COL27A1: variants seen among roughly 807,000 people sequenced by gnomAD.
COL27A1 encodes collagen alpha-1(XXVII) chain.
A neutral mutation model predicts 251.3 loss-of-function variants in COL27A1; 106 were observed. The ratio of observed to expected loss-of-function variants is 0.42; its 90% CI spans 0.36 to 0.50. COL27A1 has a LOEUF of 0.50. Among genes scored for constraint, COL27A1 ranks in the 20% least tolerant of loss-of-function variants. The pLI, the probability that COL27A1 is intolerant of heterozygous loss-of-function variation, is 0.00. For missense variants in COL27A1, 2,325 were observed against 2,522.8 expected (o/e 0.92, Z 1.68); for synonymous variants, 1,000 against 986.3 (o/e 1.01, Z -0.26).
rs745776277 is a variant in COL27A1 at position 114,290,121 on chromosome 9, T to C, written c.4260+10T>C. 2.5e-6 allele frequency: 4 copies of C among 1,611,460 alleles called. No homozygotes were observed. The South Asian group carries it at 3.3e-5, about 13-fold the overall frequency. On this transcript the variant is annotated intron_variant, in intron 46 of 60. Coordinates refer to ENST00000356083, the MANE Select transcript of COL27A1 (RefSeq NM_032888.4). This position sits in a 1 kb window ranked among gnomAD's most constrained non-coding sequence, Gnocchi z 4.6. ...CCGGAGGGGGGTCCAGGTGAGTGAC[T>C]ACAGCTGCTGTTTCCAGCCAACCTC...
In COL27A1 at chr9:114,284,761, G is replaced by A; in HGVS notation, c.3971G>A (p.Gly1324Glu). The A allele has an allele frequency of 6.2e-7, 1 of 1,614,224 alleles. No individual in the cohort carries two copies. Among genetic ancestry groups the A allele is most frequent in the Non-Finnish European group, 8.5e-7 (1 of 1,180,034 alleles). Residue 1324 changes from glycine to glutamate, a missense_variant, in exon 41 of 61, where the codon GGA becomes GAA. Physicochemically the swap from Gly to Glu is moderately conservative, Grantham distance 98 (BLOSUM62 -2). This residue lies in a region of COL27A1 where 662 missense variants were observed against 795.3 expected (regional missense o/e 0.83). Transcript: ENST00000356083. ...KGIVGPLGPP[G>E]PKGEKGEQGE... is the part of the protein sequence containing the mutation. ...ATTGTGGGACCCCTTGGACCTCCTG[G>A]ACCAAAAGGCGAAAAGGTGGGTGTT...
intron 14 of COL27A1, among the ~76,000 whole-genome samples, chr9:114,229,134 G>C (rs1211727066): frequency 6.6e-6 from 1 of 152,262 alleles, no homozygotes; most frequent in African/African-American, 2.4e-5. Context: ...GGGCCTGAAA[G>C]CAGAATTTCT....
chr9:114,204,642 A>C lies in COL27A1; in HGVS notation c.2125-460A>C, dbSNP rs529083312. Among the ~76,000 whole-genome samples the C allele has an allele frequency of 8.5e-5, 13 of 152,256 alleles. 1 individual carries two copies. Among genetic ancestry groups the C allele is most frequent in the African/African-American group, 3.1e-4 (13 of 41,540 alleles). Reference sequence around the variant, plus strand: ...TGATGGGGGCTTTATGAGAAGGGGCAGGTCTTGAAAGGGGAGGGAATCCCA... The same window carrying C: ...TGATGGGGGCTTTATGAGAAGGGGCCGGTCTTGAAAGGGGAGGGAATCCCA... On this transcript the variant is annotated intron_variant, in intron 7 of 60. Transcript: ENST00000356083.
chr9:114,264,788 C>T lies in COL27A1; in HGVS notation c.3250-136C>T, dbSNP rs1623718. ...TCCCCTTGTCAGGCCTTAGTTTTCCCATCTGCACCATGGAAAGGGGGCAGA... is the reference window on the plus strand; with the variant it reads ...TCCCCTTGTCAGGCCTTAGTTTTCCTATCTGCACCATGGAAAGGGGGCAGA... On this transcript the variant is annotated intron_variant, in intron 29 of 60. Transcript: ENST00000356083. 432,069 of 911,626 alleles carry T rather than the reference C, an allele frequency of 0.47. 104,932 individuals are homozygous for T. The highest frequency in any genetic ancestry group is 0.64 in the East Asian group (24,490 of 38,456). 56.5% of individuals were successfully genotyped at this position (911,626 alleles called of 1,614,324 possible).
chr9:114,216,691 C>CT (rs957119658), intron 12 of COL27A1, among the ~76,000 whole-genome samples: 5 of 152,122 alleles, frequency 3.3e-5, no homozygotes, highest in African/African-American at 7.2e-5. Flanking sequence ...CTTTAAAGCT[C>CT]TTTTTTCCAA....
rs201592080 is a variant in COL27A1 at position 114,252,561 on chromosome 9, G to A, written c.3034-32G>A. On this transcript the variant is annotated intron_variant, in intron 25 of 60. Transcript: ENST00000356083. ...ACAGAGCCACCCCACAGCCATAGCC[G>A]TGACCTGCCTGCATTGCTGTCTCCA... 3.7e-5 allele frequency: 60 copies of A among 1,609,736 alleles called. No individual in the cohort carries two copies. The East Asian group carries it at 8.7e-4, about 23-fold the overall frequency.
At chr9:114,302,758 A>T (rs1038200391) in intron 56 of COL27A1, among the ~76,000 whole-genome samples, 10 of 148,640 alleles carry the variant, frequency 6.7e-5, no homozygotes, top group African/African-American at 2.5e-4. Flanking sequence ...GAGTCGGGCC[A>T]GGGGGGCAGA....
rs572361398 is a variant in COL27A1 at position 114,237,123 on chromosome 9, T to C, written c.2673+89T>C. ...TGGGGACACCTTCACCTCCAAGACT[T>C]CATTTCCTCCTGCAGCAGAGCTCCT... On this transcript the variant is annotated intron_variant, in intron 18 of 60. Transcript: ENST00000356083. The C allele has an allele frequency of 1.3e-5, 17 of 1,291,434 alleles. No individual in the cohort carries two copies. In the African/African-American group the frequency reaches 2.2e-4, roughly 17 times the overall value. 80.0% of individuals were successfully genotyped at this position (1,291,434 alleles called of 1,614,324 possible).
chr9:114,275,760 GGT>G lies in COL27A1; in HGVS notation c.3712_3713del (p.Val1238ProfsTer4). The G allele has an allele frequency of 6.5e-7, 1 of 1,545,456 alleles. No individual in the cohort carries two copies. Among genetic ancestry groups the G allele is most frequent in the Non-Finnish European group, 8.7e-7 (1 of 1,144,666 alleles). ...GCCCCCCGGCCCCCCTGGCGTCACT[GGT>G]GTCCGGGTGAGTGTGCAGGCCCCTT... ...DGPPGPPGVT[G>X]VRGPEGKSGK... is the part of the protein sequence containing the mutation. On this transcript the variant is annotated frameshift_variant, in exon 37 of 61. Transcript: ENST00000356083. LOFTEE classifies it high-confidence loss of function.
At chr9:114,186,082 T>G (rs1828317964) in intron 5 of COL27A1, among the ~76,000 whole-genome samples, 1 of 152,232 alleles carries the variant, frequency 6.6e-6, no homozygotes. Flanking sequence ...TGGGTTTGCC[T>G]GCCAGAAGGA....
intron 28 of COL27A1, among the ~76,000 whole-genome samples, chr9:114,259,176 C>G (rs1197898645): frequency 6.6e-6 from 1 of 152,188 alleles, no homozygotes; most frequent in Non-Finnish European, 1.5e-5. Flanking sequence ...GAAGGTGATA[C>G]AGGAGGTGGA....
intron 3 of COL27A1, among the ~76,000 whole-genome samples, chr9:114,177,447 A>C (rs1414810342): frequency 1.3e-5 from 2 of 152,014 alleles, no homozygotes; most frequent in African/African-American, 4.8e-5. Context: ...GGGAGGGAGG[A>C]GAGAGTAGAG....
intron 1 of COL27A1, among the ~76,000 whole-genome samples, chr9:114,158,195 C>T (rs137901806): frequency 0.028 from 4,322 of 152,290 alleles, 95 homozygotes; most frequent in Non-Finnish European, 0.048. Context: ...TTACCCCATG[C>T]GTGAACAGCC....
rs531567973 is a variant in COL27A1 at position 114,210,867 on chromosome 9, A to G, written c.2323-115A>G. On this transcript the variant is annotated intron_variant, in intron 11 of 60. Coordinates refer to ENST00000356083, the MANE Select transcript of COL27A1 (RefSeq NM_032888.4). The stretch of plus-strand genomic sequence containing the variant: ...ACTGGGGCCGCCACGCAAGTGGCAC[A>G]CATTCCAGGCCCTCTGTGACTTCCT... 3.9e-4 allele frequency: 402 copies of G among 1,021,326 alleles called. No homozygotes were observed. In the South Asian group the frequency reaches 4.7e-3, roughly 12 times the overall value. 63.3% of individuals were successfully genotyped at this position (1,021,326 alleles called of 1,614,324 possible).
intron 26 of COL27A1, 92 bp downstream of exon 26, chr9:114,252,738 T>A: frequency 7.0e-7 from 1 of 1,434,726 alleles, no homozygotes; most frequent in Non-Finnish European, 9.8e-7. Context: ...CCCCAGACGT[T>A]CAGAATGACC....
rs150046206 is a variant in COL27A1 at position 114,201,675 on chromosome 9, C to T, written c.2125-3427C>T. Among the ~76,000 whole-genome samples the T allele has an allele frequency of 6.3e-3, 965 of 152,314 alleles. 4 individuals are homozygous for T. Among genetic ancestry groups the T allele is most frequent in the Non-Finnish European group, 1.0e-2 (680 of 68,030 alleles). On this transcript the variant is annotated intron_variant, in intron 7 of 60. Coordinates refer to ENST00000356083, the MANE Select transcript of COL27A1 (RefSeq NM_032888.4). Reference sequence around the variant, plus strand: ...TTCCCCTCTCTGAGCTTCAGTTTCTCAGTCCGTCCAGTGAGAAAGGAGATT... The same window carrying T: ...TTCCCCTCTCTGAGCTTCAGTTTCTTAGTCCGTCCAGTGAGAAAGGAGATT...
intron 59 of COL27A1, among the ~76,000 whole-genome samples, chr9:114,308,787 A>G (rs1056065851): frequency 3.9e-5 from 6 of 152,150 alleles, no homozygotes; most frequent in African/African-American, 1.4e-4. Flanking sequence ...TGAAGCCACA[A>G]ATCCTGCCGT....
intron 41 of COL27A1, 64 bp downstream of exon 41, chr9:114,284,841 G>T (rs13291199): frequency 0.048 from 75,577 of 1,563,496 alleles, 2,171 homozygotes; most frequent in South Asian, 0.068. Flanking sequence ...CAGCTTCAGG[G>T]CCAGCAGGAG....
Position 114,290,686 on chromosome 9 carries a change from C to G in COL27A1, c.4369-124C>G, listed in dbSNP as rs1827854596. 2 of 713,452 alleles carry G rather than the reference C, an allele frequency of 2.8e-6. No individual in the cohort carries two copies. Among genetic ancestry groups the G allele is most frequent in the Non-Finnish European group, 4.7e-6 (2 of 427,160 alleles). The allele number at this position is 713,452 out of a possible 1,614,324, so 44.2% of individuals were successfully genotyped here. On this transcript the variant is annotated intron_variant, in intron 47 of 60. Transcript: ENST00000356083. This position sits in a 1 kb window ranked among gnomAD's most constrained non-coding sequence, Gnocchi z 4.6. The stretch of plus-strand genomic sequence containing the variant: ...CCACATCACACACAGGCCGTCTGAC[C>G]TCCATCCTGGAGTGTGACCCCTTCC...
Sources: gnomAD v4.1 joint callset for allele counts (sites outside exome capture counted in the v4.1 genomes callset) on GRCh38, gnomAD v4.1.1 for gene constraint, gnomAD v4.1.1 regional missense constraint, Gnocchi (gnomAD v3.1) non-coding constraint, MANE v1.5 for transcripts, NCBI Gene and HGNC (gene_info 2026-07-23, HGNC 2026-07-21) for gene names.